CACNA2D1: variants seen among roughly 807,000 people sequenced by gnomAD.
The protein encoded by CACNA2D1 is calcium voltage-gated channel auxiliary subunit alpha2delta 1, also known as voltage-dependent calcium channel subunit alpha-2/delta-1.
Under a neutral mutation model 171.5 loss-of-function variants are expected in CACNA2D1, and 53 were observed. The observed-to-expected ratio is 0.31, with a 90% CI of 0.25 to 0.39. CACNA2D1 has a LOEUF of 0.39. Among genes scored for constraint, CACNA2D1 ranks in the 10% least tolerant of loss-of-function variants. The pLI is 1.00. For synonymous variants in CACNA2D1, 442 were observed against 443.1 expected (o/e 1.00, Z 0.03); for missense variants, 903 against 1,299.8 (o/e 0.69, Z 4.69).
At chr7:82,190,015 T>C (rs2129183969) in intron 3 of CACNA2D1, among the ~76,000 whole-genome samples, 1 of 152,056 alleles carries the variant, frequency 6.6e-6, no homozygotes, top group Admixed American at 6.6e-5. Flanking sequence ...TTTCAAATAA[T>C]TAGGTAACCC....
intron 6 of CACNA2D1, among the ~76,000 whole-genome samples, chr7:82,110,139 G>A (rs1788204312): frequency 6.6e-6 from 1 of 152,090 alleles, no homozygotes; most frequent in East Asian, 1.9e-4. Flanking sequence ...TCATAAAGAT[G>A]GAAAAGATTA....
intron 3 of CACNA2D1, among the ~76,000 whole-genome samples, chr7:82,292,798 T>C (rs1811812508): frequency 1.3e-5 from 2 of 152,250 alleles, no homozygotes; most frequent in East Asian, 1.9e-4. Context: ...TTATGGGAAA[T>C]TATACATGGG....
intron 3 of CACNA2D1, among the ~76,000 whole-genome samples, chr7:82,326,081 T>C (rs917262036): frequency 1.3e-5 from 2 of 152,174 alleles, no homozygotes; most frequent in East Asian, 1.9e-4. Flanking sequence ...CACCCTAAGC[T>C]TCTGGGAGAG....
intron 3 of CACNA2D1, among the ~76,000 whole-genome samples, chr7:82,235,519 A>G (rs1323892900): frequency 1.3e-5 from 2 of 152,162 alleles, no homozygotes; most frequent in African/African-American, 2.4e-5. Flanking sequence ...CCATCCTCAC[A>G]TTATCACTTT....
At chr7:82,253,194 T>G (rs1805878676) in intron 3 of CACNA2D1, among the ~76,000 whole-genome samples, 1 of 152,160 alleles carries the variant, frequency 6.6e-6, no homozygotes. Context: ...GAGAAACCAT[T>G]ACAGAATTTG....
At chr7:82,055,113 A>G (rs10250863) in intron 10 of CACNA2D1, among the ~76,000 whole-genome samples, 15,802 of 152,236 alleles carry the variant, frequency 0.1, 952 homozygotes, top group Middle Eastern at 0.19. Flanking sequence ...AGTACGCTGC[A>G]TTCACAACCT....
At chr7:82,065,142 A>G (rs1807452641) in intron 8 of CACNA2D1, among the ~76,000 whole-genome samples, 1 of 152,142 alleles carries the variant, frequency 6.6e-6, no homozygotes, top group Non-Finnish European at 1.5e-5. Flanking sequence ...TGAAGCCATC[A>G]CTGTAAATGT....
At chr7:82,365,496 T>C (rs904826171) in intron 1 of CACNA2D1, among the ~76,000 whole-genome samples, 3 of 152,226 alleles carry the variant, frequency 2.0e-5, no homozygotes, top group Admixed American at 6.5e-5. Context: ...ATAATGTTCA[T>C]TGATTTTCAT....
chr7:82,365,069 C>A (rs1821528965), intron 1 of CACNA2D1, among the ~76,000 whole-genome samples: 1 of 151,840 alleles, frequency 6.6e-6, no homozygotes. Flanking sequence ...ATTCAGATAA[C>A]CCAAAGGAAA....
At chr7:82,160,226 C>A (rs181531001) in intron 4 of CACNA2D1, among the ~76,000 whole-genome samples, 121 of 151,944 alleles carry the variant, frequency 8.0e-4, no homozygotes, top group Middle Eastern at 3.4e-3. Flanking sequence ...CCAGGGCAAC[C>A]TTCAAGTCCA....
chr7:82,331,876 C>T (rs1817340835), intron 3 of CACNA2D1, among the ~76,000 whole-genome samples: 1 of 152,022 alleles, frequency 6.6e-6, no homozygotes, highest in African/African-American at 2.4e-5. Flanking sequence ...CCACTGTCAC[C>T]TGAATATTAA....
chr7:82,150,255 ATT>A (rs1491391279), intron 4 of CACNA2D1, among the ~76,000 whole-genome samples: 1 of 90,826 alleles, frequency 1.1e-5, no homozygotes, highest in African/African-American at 6.8e-5. Context: ...TTTAGATCAA[ATT>A]AAAAAAAAAA....
At chr7:82,328,551 C>A (rs557846308) in intron 3 of CACNA2D1, among the ~76,000 whole-genome samples, 3 of 152,134 alleles carry the variant, frequency 2.0e-5, no homozygotes, top group Admixed American at 1.3e-4. Context: ...AATATTCCGC[C>A]ATCTTTTCAA....
rs201927487 is a variant in CACNA2D1, at chr7:82,258,817, C to CTT, written c.294+76316_294+76317dup. Among the ~76,000 whole-genome samples the CTT allele has an allele frequency of 1.7e-3, 121 of 72,604 alleles. 4 individuals are homozygous for CTT. Among genetic ancestry groups the CTT allele is most frequent in the East Asian group, 3.0e-3 (9 of 3,014 alleles). 47.6% of individuals were successfully genotyped at this position (72,604 alleles called of 152,430 possible). A position where few individuals can be genotyped will look rare whatever the true frequency, so the allele number is the denominator to read the frequency against. On this transcript the variant is annotated intron_variant, in intron 3 of 38. Transcript: ENST00000356860. ...ATTTCTTTCTTTCTTTCTTACTTTT[C>CTT]TTTTTTTTTTTTTTTTTTTTTTGAG...
chr7:82,305,704 C>T (rs544779804), intron 3 of CACNA2D1, among the ~76,000 whole-genome samples: 1 of 152,314 alleles, frequency 6.6e-6, no homozygotes, highest in East Asian at 1.9e-4. Context: ...TGCTCATGCA[C>T]ATGTGTGCAC....
intron 10 of CACNA2D1, among the ~76,000 whole-genome samples, chr7:82,057,889 A>G (rs1168138820): frequency 6.6e-6 from 1 of 152,172 alleles, no homozygotes; most frequent in Non-Finnish European, 1.5e-5. Context: ...CCTTGGTTCT[A>G]AATCTAGAAG....
intron 4 of CACNA2D1, among the ~76,000 whole-genome samples, chr7:82,149,984 GTGTGTGTGCA>G (rs1376773895): frequency 6.6e-6 from 1 of 151,750 alleles, no homozygotes; most frequent in African/African-American, 2.4e-5. Context: ...ATGTGCGTGT[GTGTGTGTGCA>G]TGTGTGTGTG....
chr7:82,217,394 C>CATATATATATATATATATATATATATAT lies in CACNA2D1; in HGVS notation c.295-46813_295-46786dup, dbSNP rs6150191. 1.4e-3 allele frequency among the ~76,000 whole-genome samples: 148 copies of CATATATATATATATATATATATATATAT among 102,470 alleles called. 4 individuals carry two copies. Among genetic ancestry groups the CATATATATATATATATATATATATATAT allele is most frequent in the African/African-American group, 2.9e-3 (53 of 18,144 alleles). 67.2% of individuals were successfully genotyped at this position (102,470 alleles called of 152,430 possible). On this transcript the variant is annotated intron_variant, in intron 3 of 38. Coordinates refer to ENST00000356860, the MANE Select transcript of CACNA2D1 (RefSeq NM_000722.4). ...ACACACATATACACACACACACATA[C>CATATATATATATATATATATATATATAT]ATATATATATATATATATATATATA...
At chr7:82,077,984 C>T (rs1809211223) in intron 7 of CACNA2D1, among the ~76,000 whole-genome samples, 1 of 151,944 alleles carries the variant, frequency 6.6e-6, no homozygotes. Flanking sequence ...AAAAGTGGTA[C>T]ACAATTTAAG....
Sources: gnomAD v4.1 joint callset for allele counts (sites outside exome capture counted in the v4.1 genomes callset) on GRCh38, gnomAD v4.1.1 for gene constraint, MANE v1.5 for transcripts, NCBI Gene and HGNC (gene_info 2026-07-23, HGNC 2026-07-21) for gene names.